ITPR2: variants seen among roughly 807,000 people sequenced by gnomAD.
ITPR2 encodes inositol 1,4,5-trisphosphate receptor type 2.
ITPR2 carries 207 observed loss-of-function variants against 317.1 expected under a neutral mutation model. That is an observed-to-expected ratio of 0.65 (90% CI 0.58 to 0.73). The LOEUF (loss-of-function observed/expected upper bound fraction) is 0.73, where lower values mean the gene tolerates loss of function less well. Ranked by LOEUF, ITPR2 falls within the 30% of genes least tolerant of loss-of-function variation. ITPR2 has a pLI of 0.00. For missense variants in ITPR2, 2,613 were observed against 3,284.0 expected (o/e 0.80, Z 4.99); for synonymous variants, 1,156 against 1,149.1 (o/e 1.01, Z -0.12).
chr12:26,512,872 G>A (rs1943389509), intron 37 of ITPR2, among the ~76,000 whole-genome samples: 1 of 148,388 alleles, frequency 6.7e-6, no homozygotes, highest in Non-Finnish European at 1.5e-5. Context: ...ACCCAGGCTA[G>A]AGTGCAGTGG....
chr12:26,829,672 A>G (rs998533914), intron 1 of ITPR2, among the ~76,000 whole-genome samples: 1 of 152,166 alleles, frequency 6.6e-6, no homozygotes. Context: ...TTTGGACACT[A>G]TTCCAGTGAA....
intron 21 of ITPR2, 25 bp downstream of exon 21, chr12:26,653,951 T>A: frequency 1.3e-6 from 2 of 1,582,300 alleles, no homozygotes; most frequent in Non-Finnish European, 1.7e-6. Flanking sequence ...AACAATGATA[T>A]TATCACATTT....
rs1592012482 is a variant in ITPR2 at position 26,664,847 on chromosome 12, T to C, written c.1552-1001A>G. Among the ~76,000 whole-genome samples the C allele has an allele frequency of 2.0e-5, 3 of 152,144 alleles. No individual in the cohort carries two copies. The South Asian group carries it at 6.2e-4, about 32-fold the overall frequency. On this transcript the variant is annotated intron_variant, in intron 14 of 56. Transcript: ENST00000381340. ...ATTAGATTTGCAACCTTTATTTTAT[T>C]TGAGAAAAAAGTTGATTTTGTATTT...
chr12:26,629,958 C>A (rs1188964851), intron 22 of ITPR2, among the ~76,000 whole-genome samples: 1 of 152,190 alleles, frequency 6.6e-6, no homozygotes, highest in Non-Finnish European at 1.5e-5. Flanking sequence ...GGAAAACAAA[C>A]ACCAGAGACT....
intron 18 of ITPR2, 138 bp from the exon 19 acceptor site, chr12:26,656,686 G>T: frequency 1.2e-6 from 1 of 835,344 alleles, no homozygotes; most frequent in Non-Finnish European, 1.9e-6. Flanking sequence ...CTTGACTGTA[G>T]TATGTTAACC....
At chr12:26,732,104 G>A (rs1240422595) in intron 2 of ITPR2, among the ~76,000 whole-genome samples, 1 of 152,178 alleles carries the variant, frequency 6.6e-6, no homozygotes, top group African/African-American at 2.4e-5. Context: ...AAGGCTCAGG[G>A]AAATGTATTG....
chr12:26,556,194 T>C, intron 36 of ITPR2, 39 bp downstream of exon 36: 3 of 1,603,766 alleles, frequency 1.9e-6, no homozygotes, highest in Non-Finnish European at 2.6e-6. Context: ...CCATGTCAGT[T>C]TGACGACACT....
chr12:26,391,095 T>C (rs935749606), intron 54 of ITPR2, among the ~76,000 whole-genome samples: 1 of 152,174 alleles, frequency 6.6e-6, no homozygotes, highest in Non-Finnish European at 1.5e-5. Flanking sequence ...TACATGATTA[T>C]GGTAAGTGGA....
intron 2 of ITPR2, among the ~76,000 whole-genome samples, chr12:26,753,105 A>G (rs1185277316): frequency 6.6e-6 from 1 of 152,102 alleles, no homozygotes; most frequent in Non-Finnish European, 1.5e-5. Flanking sequence ...GGCCCAACTT[A>G]GGGGAATTAG....
Position 26,439,293 on chromosome 12 carries a change from T to A in ITPR2, c.6477A>T (p.Glu2159Asp), listed in dbSNP as rs753956575. ...IEIVRHDRTM[E>D]QIVFPVPNIC... is the part of the protein sequence containing the mutation. Reference sequence around the variant, plus strand: ...TATTGGGGACAGGAAAAACTATTTGTTCCATGGTCCTATCATGCCGGACAA... The same window carrying A: ...TATTGGGGACAGGAAAAACTATTTGATCCATGGTCCTATCATGCCGGACAA... Residue 2159 changes from glutamate (E) to aspartate (D), a missense_variant, in exon 47 of 57, where the codon GAA becomes GAT. By Grantham distance (45) the Glu-to-Asp change is conservative. Around this residue, in one of 9 missense-constraint regions of ITPR2, gnomAD observed 926 missense variants for 1,072.8 expected, o/e 0.86. Transcript: ENST00000381340. 3 of 1,609,596 alleles carry A rather than the reference T, an allele frequency of 1.9e-6. No individual in the cohort carries two copies. The highest frequency in any genetic ancestry group is 2.5e-6 in the Non-Finnish European group (3 of 1,178,152).
chr12:26,657,611 C>T (rs1036102774), intron 18 of ITPR2, 96 bp downstream of exon 18: 40 of 953,696 alleles, frequency 4.2e-5, no homozygotes, highest in South Asian at 1.2e-4. Flanking sequence ...TTTAAAATTG[C>T]CTCTTCATAG....
chr12:26,545,103 T>G (rs764122556), intron 37 of ITPR2, among the ~76,000 whole-genome samples: 6 of 152,196 alleles, frequency 3.9e-5, no homozygotes, highest in Non-Finnish European at 8.8e-5. Context: ...TTCTAGATGT[T>G]ATTTCTCACT....
At chr12:26,772,582 ATCT>A (rs1949891075) in intron 2 of ITPR2, among the ~76,000 whole-genome samples, 2 of 97,062 alleles carry the variant, frequency 2.1e-5, no homozygotes, top group Non-Finnish European at 2.8e-5. Context: ...TATGTATCTT[ATCT>A]TCTTCATTAG....
At chr12:26,399,121 A>C in intron 53 of ITPR2, 80 bp from the exon 54 acceptor site, 1 of 1,018,134 alleles carries the variant, frequency 9.8e-7, no homozygotes, top group Non-Finnish European at 1.3e-6. Flanking sequence ...ATATTCAATA[A>C]ATGTTTGTGA....
Position 26,691,096 on chromosome 12 carries a change from T to C in ITPR2, c.997-4464A>G, listed in dbSNP as rs140941002. 2.5e-4 allele frequency among the ~76,000 whole-genome samples: 38 copies of C among 152,324 alleles called. No homozygotes were observed. The East Asian group carries it at 7.1e-3, about 29-fold the overall frequency. ...CACTCTGTTAATTTGCTTAATAAACTCTCTTGGTAGACAGTCTGACAGTAA... is the reference window on the plus strand; with the variant it reads ...CACTCTGTTAATTTGCTTAATAAACCCTCTTGGTAGACAGTCTGACAGTAA... On this transcript the variant is annotated intron_variant, in intron 10 of 56. Coordinates refer to ENST00000381340, the MANE Select transcript of ITPR2 (RefSeq NM_002223.4).
chr12:26,812,308 T>G (rs1354813457), intron 1 of ITPR2, among the ~76,000 whole-genome samples: 1 of 152,084 alleles, frequency 6.6e-6, no homozygotes, highest in African/African-American at 2.4e-5. Context: ...CCGGATGCGG[T>G]GGCTCATGCC....
chr12:26,659,117 G>C lies in ITPR2; in HGVS notation c.1882C>G (p.Pro628Ala), dbSNP rs1947437884. ...ACCGCATGAATCATTTCAAACCTTG[G>C]CTCCCGATTTCTCCTGAGTAAACTG... ...FVSLLRRNREPRFLDYLSDLC... is the reference protein window; with the variant it reads ...FVSLLRRNREARFLDYLSDLC... The change falls in exon 16 of 57, where the codon CCA (proline) becomes GCA (alanine). Residue 628 changes from proline (P) to alanine (A), a missense_variant. Physicochemically the swap from Pro to Ala is conservative, Grantham distance 27. Transcript: ENST00000381340. The C allele has an allele frequency of 6.2e-7, 1 of 1,609,780 alleles. No individual in the cohort carries two copies. The highest frequency in any genetic ancestry group is 8.5e-7 in the Non-Finnish European group (1 of 1,177,352).
At chr12:26,732,042 G>A (rs966418481) in intron 2 of ITPR2, among the ~76,000 whole-genome samples, 7 of 152,142 alleles carry the variant, frequency 4.6e-5, no homozygotes, top group African/African-American at 1.7e-4. Flanking sequence ...CCTTGCCTAA[G>A]GCAACTGTAA....
intron 2 of ITPR2, among the ~76,000 whole-genome samples, chr12:26,731,657 G>A (rs1300733246): frequency 2.6e-5 from 4 of 152,048 alleles, no homozygotes; most frequent in Non-Finnish European, 1.5e-5. Flanking sequence ...TAAAAAATCA[G>A]CTGGGGGCAG....
Sources: allele counts gnomAD v4.1 joint callset (sites outside exome capture counted in the v4.1 genomes callset), GRCh38; gene constraint gnomAD v4.1.1; regional missense constraint gnomAD v4.1.1; transcripts MANE v1.5; gene names NCBI Gene and HGNC (gene_info 2026-07-23, HGNC 2026-07-21).